The following CADM2 variants were observed in gnomAD, a reference collection of about 807,000 sequenced individuals.
The protein encoded by CADM2 is cell adhesion molecule 2.
A neutral mutation model predicts 49.8 loss-of-function variants in CADM2; 12 were observed. The observed-to-expected ratio is 0.24, with a 90% CI of 0.15 to 0.39. CADM2 has a LOEUF of 0.39. CADM2 is among the 10% of genes least tolerant of loss of function. The pLI is 1.00. For missense variants in CADM2, 378 were observed against 492.3 expected (o/e 0.77, Z 2.20); for synonymous variants, 214 against 175.4 (o/e 1.22, Z -1.74).
At chr3:85,210,344 T>A (rs1321400695) in intron 1 of CADM2, among the ~76,000 whole-genome samples, 1 of 152,170 alleles carries the variant, frequency 6.6e-6, no homozygotes, top group African/African-American at 2.4e-5. Context: ...ATGATGAATA[T>A]CTTTTTACTG....
chr3:86,043,336 G>A (rs543356991), intron 8 of CADM2, among the ~76,000 whole-genome samples: 163 of 152,260 alleles, frequency 1.1e-3, no homozygotes, highest in African/African-American at 3.9e-3. Context: ...AAACCCCATT[G>A]TCTCAGCCCA....
At chr3:85,413,760 A>T (rs1209075985) in intron 1 of CADM2, among the ~76,000 whole-genome samples, 1 of 152,218 alleles carries the variant, frequency 6.6e-6, no homozygotes, top group Non-Finnish European at 1.5e-5. Context: ...TGGGGATTAC[A>T]ATTTGACATA....
chr3:85,734,032 C>T (rs899067849), intron 2 of CADM2, among the ~76,000 whole-genome samples: 1 of 151,914 alleles, frequency 6.6e-6, no homozygotes, highest in Non-Finnish European at 1.5e-5. Flanking sequence ...ATTTTTAAAA[C>T]AATGCTACAA....
At chr3:85,734,969 AAT>A (rs1175776368) in intron 2 of CADM2, among the ~76,000 whole-genome samples, 3 of 126,194 alleles carry the variant, frequency 2.4e-5, no homozygotes, top group South Asian at 2.6e-4. Flanking sequence ...AGCAACTAGA[AAT>A]ATATATATGT....
chr3:84,974,028 C>A (rs2107105200), intron 1 of CADM2, among the ~76,000 whole-genome samples: 1 of 152,124 alleles, frequency 6.6e-6, no homozygotes, highest in African/African-American at 2.4e-5. Context: ...GAGAGAAACA[C>A]ACATCATATG....
At chr3:85,757,399 T>C (rs536483713) in intron 2 of CADM2, among the ~76,000 whole-genome samples, 1 of 152,088 alleles carries the variant, frequency 6.6e-6, no homozygotes, top group Admixed American at 6.6e-5. Context: ...GAGCTTGCAA[T>C]TGAGGAGTCC....
intron 1 of CADM2, among the ~76,000 whole-genome samples, chr3:85,278,332 C>T (rs1576266915): frequency 6.6e-6 from 1 of 151,302 alleles, no homozygotes; most frequent in South Asian, 2.1e-4. Context: ...TTTAAATAAT[C>T]GTTACATATA....
intron 1 of CADM2, among the ~76,000 whole-genome samples, chr3:85,183,199 ATGGTTATGCATC>A (rs1441788178): frequency 6.6e-6 from 1 of 152,138 alleles, no homozygotes; most frequent in Admixed American, 6.6e-5. Flanking sequence ...TCTGTCAAGT[ATGGTTATGCATC>A]TGAGATTCAT....
chr3:85,297,179 C>T (rs1158995960), intron 1 of CADM2, among the ~76,000 whole-genome samples: 3 of 149,340 alleles, frequency 2.0e-5, no homozygotes, highest in Non-Finnish European at 4.4e-5. Context: ...TATAGCTAAG[C>T]GTCAGATAAG....
intron 1 of CADM2, among the ~76,000 whole-genome samples, chr3:85,242,543 C>T (rs1041997405): frequency 2.0e-5 from 3 of 151,414 alleles, no homozygotes; most frequent in African/African-American, 7.3e-5. Flanking sequence ...CAAATGTTGA[C>T]CAAATTTTTG....
intron 1 of CADM2, among the ~76,000 whole-genome samples, chr3:85,723,489 T>TTTA (rs1697050640): frequency 6.6e-6 from 1 of 152,150 alleles, no homozygotes; most frequent in Admixed American, 6.5e-5. Context: ...CTTGGCTTCT[T>TTTA]TTATTGAATA....
At chr3:85,396,483 T>A (rs1369125812) in intron 1 of CADM2, among the ~76,000 whole-genome samples, 1 of 152,066 alleles carries the variant, frequency 6.6e-6, no homozygotes, top group African/African-American at 2.4e-5. Context: ...CTTTACACTA[T>A]ATTTTAAATT....
chr3:85,470,197 G>T (rs2038705081), intron 1 of CADM2, among the ~76,000 whole-genome samples: 1 of 152,146 alleles, frequency 6.6e-6, no homozygotes, highest in African/African-American at 2.4e-5. Context: ...CACAAAACTT[G>T]TTATGGATAC....
chr3:85,674,421 G>A (rs911046925), intron 1 of CADM2, among the ~76,000 whole-genome samples: 1 of 152,050 alleles, frequency 6.6e-6, no homozygotes, highest in Non-Finnish European at 1.5e-5. Flanking sequence ...GATACAATTG[G>A]CTAAATAGAA....
chr3:85,417,828 A>T (rs2035982168), intron 1 of CADM2, among the ~76,000 whole-genome samples: 1 of 152,098 alleles, frequency 6.6e-6, no homozygotes. Flanking sequence ...AGTGCTTTTA[A>T]ATTTTAATTT....
chr3:84,960,399 A>G (rs958668962), intron 1 of CADM2: 1 of 152,192 alleles, frequency 6.6e-6, no homozygotes, highest in Non-Finnish European at 1.5e-5. Flanking sequence ...GAATTTAAGA[A>G]AGGGGAGAAA....
intron 1 of CADM2, among the ~76,000 whole-genome samples, chr3:85,172,850 A>G (rs2107687698): frequency 6.8e-6 from 1 of 147,214 alleles, no homozygotes; most frequent in Non-Finnish European, 1.5e-5. Context: ...TATTATATAT[A>G]AAAATATATG....
chr3:85,971,071 A>G (rs1726064173), intron 8 of CADM2, among the ~76,000 whole-genome samples: 1 of 151,584 alleles, frequency 6.6e-6, no homozygotes. Flanking sequence ...TGAAATGTTC[A>G]CTGACGTTAA....
chr3:85,631,585 G>C (rs1469034914), intron 1 of CADM2, among the ~76,000 whole-genome samples: 1 of 151,988 alleles, frequency 6.6e-6, no homozygotes, highest in Non-Finnish European at 1.5e-5. Context: ...AAGAAAAGGA[G>C]AAAGTTAACA....
Sources: gnomAD v4.1 joint callset for allele counts (sites outside exome capture counted in the v4.1 genomes callset) on GRCh38, gnomAD v4.1.1 for gene constraint, MANE v1.5 for transcripts, NCBI Gene and HGNC (gene_info 2026-07-23, HGNC 2026-07-21) for gene names.